The following MGAT4A variants were observed in gnomAD, a reference collection of about 807,000 sequenced individuals.
The protein encoded by MGAT4A is alpha-1,3-mannosyl-glycoprotein 4-beta-N-acetylglucosaminyltransferase A, also known as N-acetylglucosaminyltransferase IVa.
Under a neutral mutation model 74.1 loss-of-function variants are expected in MGAT4A, and 33 were observed. That is an observed-to-expected ratio of 0.45 (90% CI 0.34 to 0.60). The LOEUF (loss-of-function observed/expected upper bound fraction) is 0.60, where lower values mean the gene tolerates loss of function less well. MGAT4A is among the 20% of genes least tolerant of loss of function. The pLI, the probability that MGAT4A is intolerant of heterozygous loss-of-function variation, is 0.02. For synonymous variants in MGAT4A, 198 were observed against 210.4 expected (o/e 0.94, Z 0.51); for missense variants, 479 against 628.3 (o/e 0.76, Z 2.54).
intron 2 of MGAT4A, among the ~76,000 whole-genome samples, chr2:98,687,476 C>T (rs1702145336): frequency 6.6e-6 from 1 of 152,152 alleles, no homozygotes; most frequent in Admixed American, 6.5e-5. Context: ...TCTGGATATT[C>T]CTTGTATGAC....
chr2:98,679,436 A>C, intron 2 of MGAT4A, among the ~76,000 whole-genome samples: 1 of 140,556 alleles, frequency 7.1e-6, no homozygotes. Context: ...AAAAGAGACC[A>C]GCCTAGGCAA....
intron 2 of MGAT4A, among the ~76,000 whole-genome samples, chr2:98,687,547 C>T (rs924003895): frequency 6.7e-6 from 1 of 149,200 alleles, no homozygotes; most frequent in Admixed American, 6.7e-5. Flanking sequence ...TCATTTCCAC[C>T]TTCCCCCTCC....
At position 98,621,170 on chromosome 2, in the gene MGAT4A, G is replaced by C. The variant is rs961071343; in HGVS notation, c.*4396C>G. 5.1e-6 allele frequency: 2 copies of C among 393,328 alleles called. No individual in the cohort carries two copies. The highest frequency in any genetic ancestry group is 4.1e-5 in the African/African-American group (2 of 48,428). The allele number at this position is 393,328 out of a possible 1,614,324, so 24.4% of individuals were successfully genotyped here. On this transcript the variant is annotated 3_prime_UTR_variant, in exon 16 of 16. Transcript: ENST00000393487. ...AACACCACTGATTTATTATCTCATAGTTCTGTAGGTCAGAAGTCCAAGCAG... is the reference window on the plus strand; with the variant it reads ...AACACCACTGATTTATTATCTCATACTTCTGTAGGTCAGAAGTCCAAGCAG...
chr2:98,637,586 T>G (rs1455582074), intron 12 of MGAT4A, among the ~76,000 whole-genome samples: 2 of 152,084 alleles, frequency 1.3e-5, no homozygotes, highest in African/African-American at 4.8e-5. Context: ...TCTCAGGGTG[T>G]GGGGAAGGGA....
At chr2:98,684,609 A>C (rs1702103969) in intron 2 of MGAT4A, among the ~76,000 whole-genome samples, 2 of 152,348 alleles carry the variant, frequency 1.3e-5, no homozygotes, top group Non-Finnish European at 2.9e-5. Context: ...AACCGTATAA[A>C]ATTGCTGATA....
At chr2:98,689,999 A>G (rs1039586285) in intron 2 of MGAT4A, among the ~76,000 whole-genome samples, 4 of 151,876 alleles carry the variant, frequency 2.6e-5, no homozygotes, top group Admixed American at 2.6e-4. Flanking sequence ...GAAAATACCA[A>G]CAGGAGCACA....
intron 8 of MGAT4A, 32 bp from the exon 9 acceptor site, chr2:98,645,574 T>C: frequency 1.4e-6 from 2 of 1,412,768 alleles, no homozygotes; most frequent in Non-Finnish European, 1.9e-6. Flanking sequence ...TATTAATACA[T>C]CAAAAAAAGA....
At chr2:98,700,423 ATCTG>A (rs201211778) in intron 2 of MGAT4A, among the ~76,000 whole-genome samples, 114 of 150,030 alleles carry the variant, frequency 7.6e-4, no homozygotes, top group African/African-American at 2.1e-3. Context: ...ATATTGCATT[ATCTG>A]TCTATCTATC....
chr2:98,621,878 T>A lies in MGAT4A; in HGVS notation c.*3688A>T. The stretch of plus-strand genomic sequence containing the variant: ...TCTAATTATTGACTAGTGCAACCAC[T>A]GATTTGAGAAGATACACACTTTGTT... On this transcript the variant is annotated 3_prime_UTR_variant, in exon 16 of 16. Coordinates refer to ENST00000393487, the MANE Select transcript of MGAT4A (RefSeq NM_012214.3). The A allele has an allele frequency of 1.0e-6, 1 of 1,003,910 alleles. No individual in the cohort carries two copies. Among genetic ancestry groups the A allele is most frequent in the Non-Finnish European group, 1.2e-6 (1 of 841,766 alleles). The allele number at this position is 1,003,910 out of a possible 1,614,324, so 62.2% of individuals were successfully genotyped here. A position where few individuals can be genotyped will look rare whatever the true frequency, so the allele number is the denominator to read the frequency against.
intron 5 of MGAT4A, 138 bp downstream of exon 5, chr2:98,662,908 C>CAGAT (rs1701772009): frequency 1.1e-5 from 6 of 564,982 alleles, no homozygotes; most frequent in Non-Finnish European, 1.7e-5. Context: ...ATTAAACTAC[C>CAGAT]AGATAGAATA....
chr2:98,711,884 A>G (rs1055705930), intron 2 of MGAT4A, among the ~76,000 whole-genome samples: 1 of 152,198 alleles, frequency 6.6e-6, no homozygotes, highest in Non-Finnish European at 1.5e-5. Flanking sequence ...TCAACTTCCC[A>G]AAGTGTTGGG....
In MGAT4A at chr2:98,731,126, GGGCC is replaced by G. The variant is rs1702852839; in HGVS notation, c.-318_-315del. On this transcript the variant is annotated 5_prime_UTR_variant, in exon 1 of 16. Coordinates refer to ENST00000393487, the MANE Select transcript of MGAT4A (RefSeq NM_012214.3). The surrounding 1 kb of genome is among the most constrained non-coding windows in gnomAD (Gnocchi z 4.8). ...CCGCCGCCGCTGCCGCCGCCGCTGC[GGGCC>G]GCCCCGCCCGCCCCGCCGGCTCCGC... is the stretch of plus-strand genomic sequence containing the variant. The G allele has an allele frequency of 8.0e-6, 1 of 124,678 alleles. No homozygotes were observed. Among genetic ancestry groups the G allele is most frequent in the African/African-American group, 3.3e-5 (1 of 30,120 alleles). 7.7% of individuals were successfully genotyped at this position (124,678 alleles called of 1,614,324 possible). A position where few individuals can be genotyped will look rare whatever the true frequency, so the allele number is the denominator to read the frequency against.
intron 2 of MGAT4A, among the ~76,000 whole-genome samples, chr2:98,688,668 C>T (rs955369788): frequency 1.3e-5 from 2 of 152,196 alleles, no homozygotes; most frequent in South Asian, 4.1e-4. Flanking sequence ...AGTCCTACAG[C>T]CACAAGGAAA....
rs777047619 is a variant in MGAT4A, at chr2:98,675,205, A to G, written c.263-30T>C. On this transcript the variant is annotated intron_variant, in intron 3 of 15. Coordinates refer to ENST00000393487, the MANE Select transcript of MGAT4A (RefSeq NM_012214.3). ...AACACAGAAGTATAATTAATATACAAGAATTACCTTACAGAAGTTGCTGAT... is the reference window on the plus strand; with the variant it reads ...AACACAGAAGTATAATTAATATACAGGAATTACCTTACAGAAGTTGCTGAT... The G allele has an allele frequency of 2.0e-6, 3 of 1,485,724 alleles. No individual in the cohort carries two copies. In the South Asian group the frequency reaches 3.7e-5, roughly 18 times the overall value. 92.0% of individuals were successfully genotyped at this position (1,485,724 alleles called of 1,614,324 possible). A position where few individuals can be genotyped will look rare whatever the true frequency, so the allele number is the denominator to read the frequency against.
chr2:98,623,347 T>C lies in MGAT4A; in HGVS notation c.*2219A>G. Reference sequence around the variant, plus strand: ...ACCAGGTGCTGCAATAACTTTCTCCTCCCTAGATTTTCAGAGCATGGTCTT... The same window carrying C: ...ACCAGGTGCTGCAATAACTTTCTCCCCCCTAGATTTTCAGAGCATGGTCTT... On this transcript the variant is annotated 3_prime_UTR_variant, in exon 16 of 16. Transcript: ENST00000393487. 1.0e-6 allele frequency: 1 copy of C among 985,436 alleles called. No individual in the cohort carries two copies. The highest frequency in any genetic ancestry group is 1.2e-6 in the Non-Finnish European group (1 of 829,936). The allele number at this position is 985,436 out of a possible 1,614,324, so 61.0% of individuals were successfully genotyped here.
At chr2:98,717,145 C>T (rs915359534) in intron 2 of MGAT4A, among the ~76,000 whole-genome samples, 6 of 152,020 alleles carry the variant, frequency 3.9e-5, no homozygotes, top group African/African-American at 4.8e-5. Context: ...TTTGGGAAGC[C>T]GAGGCGGGCA....
At chr2:98,691,837 C>T (rs548044571) in intron 2 of MGAT4A, among the ~76,000 whole-genome samples, 4 of 152,196 alleles carry the variant, frequency 2.6e-5, no homozygotes, top group East Asian at 1.9e-4. Flanking sequence ...GGACAAGATG[C>T]GGAGGTGGAA....
At chr2:98,667,036 T>C (rs1701841222) in intron 4 of MGAT4A, among the ~76,000 whole-genome samples, 1 of 152,158 alleles carries the variant, frequency 6.6e-6, no homozygotes, top group Non-Finnish European at 1.5e-5. Flanking sequence ...GTTCTCGTGA[T>C]AGTGAATAAG....
At position 98,658,229 on chromosome 2, in the gene MGAT4A, G is replaced by C. The variant is rs967919954; in HGVS notation, c.573C>G (p.Asn191Lys). The change falls in exon 6 of 16, where the codon AAC (asparagine) becomes AAG (lysine). Residue 191 changes from asparagine to lysine, a missense_variant. Physicochemically the swap from Asn to Lys is moderately conservative, Grantham distance 94. Coordinates refer to ENST00000393487, the MANE Select transcript of MGAT4A (RefSeq NM_012214.3). ...DIDYVHGVVANLEKEFSKEIS... is the reference protein window; with the variant it reads ...DIDYVHGVVAKLEKEFSKEIS... Reference sequence around the variant, plus strand: ...TAAGAAGAACTTACTCTTTCTCCAGGTTGGCTACAACACCATGTACATAAT... The same window carrying C: ...TAAGAAGAACTTACTCTTTCTCCAGCTTGGCTACAACACCATGTACATAAT... 4.4e-6 allele frequency: 7 copies of C among 1,575,464 alleles called. No individual in the cohort carries two copies. Among genetic ancestry groups the C allele is most frequent in the Non-Finnish European group, 6.1e-6 (7 of 1,154,858 alleles).
Sources: allele counts gnomAD v4.1 joint callset (sites outside exome capture counted in the v4.1 genomes callset), GRCh38; gene constraint gnomAD v4.1.1; non-coding constraint Gnocchi (gnomAD v3.1); transcripts MANE v1.5; gene names NCBI Gene and HGNC (gene_info 2026-07-23, HGNC 2026-07-21).